The following TMTC2 variants were observed in gnomAD, a reference collection of about 807,000 sequenced individuals.
TMTC2 encodes the protein transmembrane O-mannosyltransferase targeting cadherins 2.
TMTC2 carries 43 observed loss-of-function variants against 82.4 expected under a neutral mutation model. The ratio of observed to expected loss-of-function variants is 0.52; its 90% confidence interval spans 0.41 to 0.67. TMTC2 has a LOEUF of 0.67. TMTC2 is among the 30% of genes least tolerant of loss of function. TMTC2 has a pLI of 0.00. For missense variants in TMTC2, 919 were observed against 1,012.4 expected (o/e 0.91, Z 1.25); for synonymous variants, 408 against 381.9 (o/e 1.07, Z -0.80).
intron 2 of TMTC2, among the ~76,000 whole-genome samples, chr12:82,867,164 G>A (rs1178036028): frequency 6.6e-6 from 1 of 152,124 alleles, no homozygotes; most frequent in Non-Finnish European, 1.5e-5. Flanking sequence ...TGCTCTGTTG[G>A]TCTGATTATA....
intron 11 of TMTC2, among the ~76,000 whole-genome samples, chr12:83,095,334 G>A (rs113657138): frequency 1.5e-3 from 222 of 150,508 alleles, no homozygotes; most frequent in African/African-American, 4.9e-3. Flanking sequence ...TCTGCCTCCC[G>A]GGTTCACGCC....
chr12:82,904,971 GTTTT>G (rs905187584), intron 3 of TMTC2, among the ~76,000 whole-genome samples: 26 of 137,330 alleles, frequency 1.9e-4, no homozygotes, highest in African/African-American at 6.8e-4. Context: ...CATTCTTCAA[GTTTT>G]TTGTTTCTTT....
chr12:83,091,391 T>G (rs777125664), intron 11 of TMTC2, among the ~76,000 whole-genome samples: 10 of 152,190 alleles, frequency 6.6e-5, no homozygotes, highest in Non-Finnish European at 1.2e-4. Context: ...CCTTACATAT[T>G]TTTTTACTTC....
chr12:82,886,269 A>G (rs1025670795), intron 2 of TMTC2, among the ~76,000 whole-genome samples: 2 of 152,188 alleles, frequency 1.3e-5, no homozygotes, highest in Non-Finnish European at 2.9e-5. Context: ...TCCAGTCCTA[A>G]AATCAATCCA....
chr12:82,698,771 C>CAT (rs1251899615), intron 1 of TMTC2, among the ~76,000 whole-genome samples: 3 of 151,994 alleles, frequency 2.0e-5, no homozygotes, highest in African/African-American at 7.2e-5. Flanking sequence ...GCTTGGAGTC[C>CAT]ATATTAAATA....
At chr12:82,691,961 G>A (rs1413576718) in intron 1 of TMTC2, among the ~76,000 whole-genome samples, 1 of 152,058 alleles carries the variant, frequency 6.6e-6, no homozygotes, top group Non-Finnish European at 1.5e-5. Flanking sequence ...TATTTTAGGT[G>A]GCATTTTATT....
intron 1 of TMTC2, among the ~76,000 whole-genome samples, chr12:82,850,886 A>G (rs1194301956): frequency 1.3e-5 from 2 of 151,804 alleles, no homozygotes; most frequent in African/African-American, 4.8e-5. Flanking sequence ...CAACATGGTT[A>G]AACCCCATCT....
At chr12:82,693,391 C>G (rs1006784231) in intron 1 of TMTC2, among the ~76,000 whole-genome samples, 7 of 152,180 alleles carry the variant, frequency 4.6e-5, no homozygotes, top group Admixed American at 1.3e-4. Flanking sequence ...TTCATTCATA[C>G]ATGCAGAAGC....
At chr12:83,089,663 T>A (rs757777048) in intron 11 of TMTC2, among the ~76,000 whole-genome samples, 2 of 152,074 alleles carry the variant, frequency 1.3e-5, no homozygotes, top group Non-Finnish European at 2.9e-5. Context: ...ATTTTTAGAA[T>A]ATTTATAGTC....
intron 8 of TMTC2, among the ~76,000 whole-genome samples, chr12:83,016,041 G>A (rs1880663462): frequency 6.6e-6 from 1 of 152,156 alleles, no homozygotes; most frequent in Non-Finnish European, 1.5e-5. Context: ...TTATTTGTAA[G>A]TCACAGAAAA....
chr12:82,895,961 C>G lies in TMTC2; in HGVS notation c.798C>G (p.Leu266=). 1 of 1,613,876 alleles carries G rather than the reference C, an allele frequency of 6.2e-7. No homozygotes were observed. The highest frequency in any genetic ancestry group is 1.1e-5 in the South Asian group (1 of 91,048). Residue 266 remains leucine, a synonymous_variant, in exon 3 of 12, where the codon CTC becomes CTG. Coordinates refer to ENST00000321196, the MANE Select transcript of TMTC2 (RefSeq NM_152588.3). ...ACCCCGCTGCTGATTCGGACAGCCT[C>G]CTCACCCGCACTCTCACCTTCTTCT... ...SDNPAADSDS[L]LTRTLTFFYL...
intron 1 of TMTC2, among the ~76,000 whole-genome samples, chr12:82,697,462 G>A (rs79346560): frequency 0.019 from 2,909 of 151,916 alleles, 44 homozygotes; most frequent in Middle Eastern, 0.071. Context: ...TCATTTAAAT[G>A]TATTACAGAT....
chr12:82,756,780 T>C (rs1386308676), intron 1 of TMTC2, among the ~76,000 whole-genome samples: 1 of 152,118 alleles, frequency 6.6e-6, no homozygotes, highest in Non-Finnish European at 1.5e-5. Flanking sequence ...GTACTGCAAG[T>C]GATGGCCCTA....
At chr12:82,736,861 G>C (rs939482433) in intron 1 of TMTC2, among the ~76,000 whole-genome samples, 6 of 152,146 alleles carry the variant, frequency 3.9e-5, no homozygotes, top group African/African-American at 1.4e-4. Context: ...TAACATTAAT[G>C]AATATCCCAG....
intron 1 of TMTC2, among the ~76,000 whole-genome samples, chr12:82,706,586 A>G (rs556971331): frequency 4.6e-5 from 7 of 152,202 alleles, no homozygotes; most frequent in Non-Finnish European, 1.0e-4. Flanking sequence ...ATATAGGATT[A>G]TATAGGCTGT....
chr12:82,703,505 T>A (rs1476474809), intron 1 of TMTC2, among the ~76,000 whole-genome samples: 3 of 150,576 alleles, frequency 2.0e-5, no homozygotes, highest in East Asian at 3.9e-4. Flanking sequence ...TTTCTTTTTT[T>A]TTTTTTTTTT....
chr12:82,903,753 G>A (rs1049007018), intron 3 of TMTC2, among the ~76,000 whole-genome samples: 2 of 152,316 alleles, frequency 1.3e-5, no homozygotes, highest in South Asian at 2.1e-4. Flanking sequence ...ATGCTGCAAC[G>A]AGGACTGTGC....
At chr12:83,069,491 T>C (rs1883032725) in intron 11 of TMTC2, among the ~76,000 whole-genome samples, 2 of 152,244 alleles carry the variant, frequency 1.3e-5, no homozygotes, top group Non-Finnish European at 2.9e-5. Flanking sequence ...CATTTGTATA[T>C]CTTCTTTTGA....
At chr12:83,074,063 G>A (rs895652986) in intron 11 of TMTC2, among the ~76,000 whole-genome samples, 10 of 152,110 alleles carry the variant, frequency 6.6e-5, no homozygotes, top group Non-Finnish European at 1.0e-4. Context: ...TTGTTTAGGC[G>A]TATTACCAGG....
Sources: allele counts gnomAD v4.1 joint callset (sites outside exome capture counted in the v4.1 genomes callset), GRCh38; gene constraint gnomAD v4.1.1; transcripts MANE v1.5; gene names NCBI Gene and HGNC (gene_info 2026-07-23, HGNC 2026-07-21).